Variants in EHMT1 observed in about 807,000 individuals in gnomAD.
The protein encoded by EHMT1 is histone-lysine N-methyltransferase EHMT1.
A neutral mutation model predicts 147.2 loss-of-function variants in EHMT1; 15 were observed. That is an observed-to-expected ratio of 0.10 (90% CI 0.07 to 0.16). The LOEUF (loss-of-function observed/expected upper bound fraction) is 0.16, where lower values mean the gene tolerates loss of function less well. EHMT1 is among the 10% of genes least tolerant of loss of function. The pLI, the probability that EHMT1 is intolerant of heterozygous loss-of-function variation, is 1.00. For synonymous variants in EHMT1, 795 were observed against 709.6 expected (o/e 1.12, Z -1.91); for missense variants, 1,587 against 1,772.4 (o/e 0.90, Z 1.88).
chr9:137,770,332 G>A (rs1950511852), intron 10 of EHMT1, among the ~76,000 whole-genome samples: 1 of 152,202 alleles, frequency 6.6e-6, no homozygotes, highest in Non-Finnish European at 1.5e-5. Context: ...TTCTGAGCCA[G>A]TCAAAGGCAT....
chr9:137,662,982 C>T (rs1268649621), intron 1 of EHMT1, among the ~76,000 whole-genome samples: 1 of 150,858 alleles, frequency 6.6e-6, no homozygotes, highest in East Asian at 2.0e-4. Flanking sequence ...TTAGTAGATA[C>T]AGGGTTTTGC....
intron 6 of EHMT1, chr9:137,745,895 T>C (rs1013544383): frequency 9.4e-6 from 2 of 212,314 alleles, no homozygotes; most frequent in African/African-American, 4.6e-5. Flanking sequence ...CTTCTTGGAG[T>C]CCAGCAGCTC....
chr9:137,676,883 T>C (rs1371337466), intron 1 of EHMT1, among the ~76,000 whole-genome samples: 2 of 145,296 alleles, frequency 1.4e-5, no homozygotes, highest in Admixed American at 7.2e-5. Flanking sequence ...CCCGCTTTGC[T>C]GAGAATTTTT....
At chr9:137,756,557 C>T (rs1164461449) in intron 8 of EHMT1, among the ~76,000 whole-genome samples, 1 of 152,182 alleles carries the variant, frequency 6.6e-6, no homozygotes, top group African/African-American at 2.4e-5. Flanking sequence ...GGGTGGAGGA[C>T]GTGTGAGCCC....
At chr9:137,781,302 A>T (rs1393722483) in intron 14 of EHMT1, among the ~76,000 whole-genome samples, 1 of 111,402 alleles carries the variant, frequency 9.0e-6, no homozygotes, top group Non-Finnish European at 1.8e-5. Flanking sequence ...TGTGGTGATG[A>T]CGGCATCACT....
At chr9:137,797,741 C>G (rs1953078513) in intron 16 of EHMT1, among the ~76,000 whole-genome samples, 1 of 151,766 alleles carries the variant, frequency 6.6e-6, no homozygotes, top group Non-Finnish European at 1.5e-5. Context: ...GCCTGCGAAA[C>G]TCTATGACTG....
intron 1 of EHMT1, chr9:137,638,154 A>G (rs1049302580): frequency 2.6e-5 from 4 of 151,120 alleles, no homozygotes; most frequent in Non-Finnish European, 4.4e-5. Flanking sequence ...CCTTTTGCCC[A>G]GGCTGGAGTG....
chr9:137,738,572 T>G (rs1261614946), intron 4 of EHMT1: 1 of 152,092 alleles, frequency 6.6e-6, no homozygotes, highest in East Asian at 1.9e-4. Context: ...AAGCAGGGTC[T>G]TGAAGAGATG....
At chr9:137,785,404 G>C (rs537609774) in intron 15 of EHMT1, 1 of 154,110 alleles carries the variant, frequency 6.5e-6, no homozygotes, top group Admixed American at 6.5e-5. Context: ...GAGCCCGTGA[G>C]GGTGGGCCGT....
At chr9:137,802,139 T>A (rs1046036430) in intron 18 of EHMT1, among the ~76,000 whole-genome samples, 11 of 152,186 alleles carry the variant, frequency 7.2e-5, no homozygotes, top group Non-Finnish European at 8.8e-5. Flanking sequence ...CACTAGAAGA[T>A]CTTCAGGGAC....
chr9:137,712,863 G>A (rs1218848738), intron 2 of EHMT1, among the ~76,000 whole-genome samples: 1 of 151,958 alleles, frequency 6.6e-6, no homozygotes, highest in Non-Finnish European at 1.5e-5. Flanking sequence ...TTAATAGAAG[G>A]TCACAAACAT....
chr9:137,727,211 G>T (rs1351876571), intron 3 of EHMT1, among the ~76,000 whole-genome samples: 1 of 152,056 alleles, frequency 6.6e-6, no homozygotes, highest in Non-Finnish European at 1.5e-5. Flanking sequence ...TGAACTCCTG[G>T]CCTCAAGTGA....
rs1291352258 is a variant in EHMT1 at position 137,743,309 on chromosome 9, A to G, written c.824-62A>G. On this transcript the variant is annotated intron_variant, in intron 4 of 26. Transcript: ENST00000460843. ...TGTAAACTGTCTCTTACCTTTGAAA[A>G]ACATTTGAATGGTGTTTCTTTTCCT... 2.4e-5 allele frequency: 36 copies of G among 1,524,206 alleles called. No homozygotes were observed. In the East Asian group the frequency reaches 8.0e-4, roughly 34 times the overall value. The allele number at this position is 1,524,206 out of a possible 1,614,324, so 94.4% of individuals were successfully genotyped here.
intron 19 of EHMT1, among the ~76,000 whole-genome samples, chr9:137,812,542 G>A (rs1954579716): frequency 1.3e-5 from 2 of 152,192 alleles, no homozygotes; most frequent in Non-Finnish European, 2.9e-5. Flanking sequence ...TGGATCTCAC[G>A]GTGGCTCAGC....
chr9:137,743,599 CA>C, intron 5 of EHMT1, 71 bp downstream of exon 5: 16 of 1,607,868 alleles, frequency 1.0e-5, no homozygotes, highest in Non-Finnish European at 1.4e-5. Flanking sequence ...GCCTCGTTAT[CA>C]GTAATTTGGG....
At chr9:137,695,896 T>C (rs1329843770) in intron 1 of EHMT1, among the ~76,000 whole-genome samples, 1 of 152,238 alleles carries the variant, frequency 6.6e-6, no homozygotes, top group Non-Finnish European at 1.5e-5. Flanking sequence ...ATATTTGCAC[T>C]GGTTTTGCCA....
chr9:137,704,669 T>G (rs962188759), intron 1 of EHMT1, among the ~76,000 whole-genome samples: 2 of 152,102 alleles, frequency 1.3e-5, no homozygotes, highest in African/African-American at 4.8e-5. Flanking sequence ...CTTCTATCTT[T>G]TTATTTAGGA....
chr9:137,742,780 G>A (rs573860747), intron 4 of EHMT1, among the ~76,000 whole-genome samples: 1 of 152,176 alleles, frequency 6.6e-6, no homozygotes, highest in Non-Finnish European at 1.5e-5. Context: ...GGATTGCAGC[G>A]CAAGGAGGAT....
rs1273022322 is a variant in EHMT1 at position 137,754,035 on chromosome 9, C to G, written c.1249-136C>G. 5.5e-6 allele frequency: 8 copies of G among 1,455,054 alleles called. No homozygotes were observed. In the East Asian group the frequency reaches 1.8e-4, roughly 34 times the overall value. 90.1% of individuals were successfully genotyped at this position (1,455,054 alleles called of 1,614,324 possible). The stretch of plus-strand genomic sequence containing the variant: ...AGCGTGTGACCCAGCAAAATGTCTA[C>G]AAGTTAAGTTCACCGTTTAATTGAA... On this transcript the variant is annotated intron_variant, in intron 7 of 26. Coordinates refer to ENST00000460843, the MANE Select transcript of EHMT1 (RefSeq NM_024757.5).
Sources: allele counts gnomAD v4.1 joint callset (sites outside exome capture counted in the v4.1 genomes callset), GRCh38; gene constraint gnomAD v4.1.1; transcripts MANE v1.5; gene names NCBI Gene and HGNC (gene_info 2026-07-23, HGNC 2026-07-21).